The following RPS15A variants were observed in gnomAD, a reference collection of about 807,000 sequenced individuals.
RPS15A encodes small ribosomal subunit protein uS8.
For synonymous variants in RPS15A, 55 were observed against 58.5 expected (o/e 0.94, Z 0.27); for missense variants, 62 against 163.4 (o/e 0.38, Z 3.38).
At chr16:18,785,313 T>C (rs966130628) in intron 3 of RPS15A, 1 of 152,366 alleles carries the variant, frequency 6.6e-6, no homozygotes, top group Non-Finnish European at 1.5e-5. Flanking sequence ...CCGTTACATA[T>C]TTCCAAGAAA....
intron 1 of RPS15A, chr16:18,789,828 ACT>A (rs1369050398): frequency 1.3e-5 from 2 of 151,938 alleles, no homozygotes; most frequent in East Asian, 1.9e-4. Flanking sequence ...CTAAAGAAAA[ACT>A]CTGCGGCCCA....
intron 4 of RPS15A, 81 bp from the exon 5 acceptor site, chr16:18,783,183 A>C: frequency 1.1e-6 from 1 of 907,074 alleles, no homozygotes; most frequent in Non-Finnish European, 1.8e-6. Flanking sequence ...ATCAACACTC[A>C]TCAGTGGTTA....
intron 3 of RPS15A, among the ~76,000 whole-genome samples, chr16:18,787,497 G>A (rs376126141): frequency 7.9e-5 from 12 of 152,280 alleles, no homozygotes; most frequent in African/African-American, 2.9e-4. Flanking sequence ...ACCTCAACCA[G>A]CTTAAGACAC....
At chr16:18,790,060 TG>T (rs1163359604) in intron 1 of RPS15A, 183 bp downstream of exon 1, 1 of 152,396 alleles carries the variant, frequency 6.6e-6, no homozygotes, top group Non-Finnish European at 1.5e-5. Context: ...ACCGCCTAGC[TG>T]GGCAGTCGAA....
At chr16:18,787,318 A>C (rs950904364) in intron 3 of RPS15A, among the ~76,000 whole-genome samples, 1 of 152,134 alleles carries the variant, frequency 6.6e-6, no homozygotes, top group African/African-American at 2.4e-5. Flanking sequence ...CCCCTTCCTC[A>C]TCCCTCTTTT....
chr16:18,787,481 G>A (rs926009277), intron 3 of RPS15A, among the ~76,000 whole-genome samples: 1 of 152,180 alleles, frequency 6.6e-6, no homozygotes, highest in African/African-American at 2.4e-5. Context: ...AGGAAGCACA[G>A]TGGACACCTC....
chr16:18,786,257 A>T (rs1412813622), intron 3 of RPS15A: 3 of 223,634 alleles, frequency 1.3e-5, no homozygotes, highest in South Asian at 4.2e-5. Context: ...CTCAGCTACT[A>T]GGGAGGCTGA....
chr16:18,783,307 A>G (rs1903994015), intron 4 of RPS15A: 1 of 541,464 alleles, frequency 1.8e-6, no homozygotes, highest in Admixed American at 3.4e-5. Context: ...CAGAGAGCCC[A>G]GCCACACAAT....
At chr16:18,786,617 A>T (rs1391360693) in intron 3 of RPS15A, 1 of 152,162 alleles carries the variant, frequency 6.6e-6, no homozygotes, top group Non-Finnish European at 1.5e-5. Context: ...ACCTCTACAA[A>T]AAAGTTAAAG....
At chr16:18,789,287 T>C (rs939835770) in intron 1 of RPS15A, 169 bp from the exon 2 acceptor site, 37 of 626,024 alleles carry the variant, frequency 5.9e-5, no homozygotes, top group Non-Finnish European at 9.2e-5. Context: ...AAATTCCTAT[T>C]TACTACGGTT....
rs537333663 is a variant in RPS15A, at chr16:18,783,565, T to C, written c.300-463A>G. ...ACTGTGGGGATCACTGTAACAAGCA[T>C]ATAGTATGCAAATGTGCGGCATTAA... On this transcript the variant is annotated intron_variant, in intron 4 of 4. Coordinates refer to ENST00000322989, the MANE Select transcript of RPS15A (RefSeq NM_001019.5). 5.3e-5 allele frequency: 23 copies of C among 437,344 alleles called. No homozygotes were observed. The Middle Eastern group carries it at 1.0e-3, about 19-fold the overall frequency. 27.1% of individuals were successfully genotyped at this position (437,344 alleles called of 1,614,324 possible). A position where few individuals can be genotyped will look rare whatever the true frequency, so the allele number is the denominator to read the frequency against.
chr16:18,788,787 C>T, intron 2 of RPS15A, 194 bp downstream of exon 2: 1 of 564,298 alleles, frequency 1.8e-6, no homozygotes, highest in Non-Finnish European at 3.2e-6. Flanking sequence ...TAGCAGAGCT[C>T]CTTTTTCCAG....
At position 18,784,728 on chromosome 16, in the gene RPS15A, G is replaced by T. The variant is rs1398272368; in HGVS notation, c.299+10C>A. The T allele has an allele frequency of 6.3e-7, 1 of 1,591,392 alleles. No homozygotes were observed. The highest frequency in any genetic ancestry group is 1.8e-5 in the Admixed American group (1 of 54,116). On this transcript the variant is annotated intron_variant, in intron 4 of 4. Transcript: ENST00000322989. ...ATTAACTTCTTTTAATTAAGGAAAGGCCAACTTACCCAAACTGGCGGGATG... is the reference window on the plus strand; with the variant it reads ...ATTAACTTCTTTTAATTAAGGAAAGTCCAACTTACCCAAACTGGCGGGATG...
chr16:18,787,843 C>T (rs371421119), intron 3 of RPS15A, among the ~76,000 whole-genome samples: 1 of 152,172 alleles, frequency 6.6e-6, no homozygotes, highest in African/African-American at 2.4e-5. Flanking sequence ...CCTGAGACAG[C>T]TTATACCCCA....
rs781660508 is a variant in RPS15A at position 18,782,994 on chromosome 16, A to AT, written c.*14dup. 8.3e-6 allele frequency: 12 copies of AT among 1,445,202 alleles called. No homozygotes were observed. The Admixed American group carries it at 1.2e-4, about 14-fold the overall frequency. 89.5% of individuals were successfully genotyped at this position (1,445,202 alleles called of 1,614,324 possible). ...TCCATGAGGCATTTTATTTGTAAAT[A>AT]TATGTATTACATCCCTAGAAAAAGA... On this transcript the variant is annotated 3_prime_UTR_variant, in exon 5 of 5. Transcript: ENST00000322989.
intron 3 of RPS15A, 76 bp from the exon 4 acceptor site, chr16:18,784,899 T>C (rs1179139703): frequency 2.5e-6 from 3 of 1,223,054 alleles, no homozygotes; most frequent in Non-Finnish European, 2.4e-6. Context: ...CAAGATGACA[T>C]TCATAAATAA....
At chr16:18,785,032 G>A (rs781253816) in intron 3 of RPS15A, 55 of 505,046 alleles carry the variant, frequency 1.1e-4, no homozygotes, top group Non-Finnish European at 1.7e-4. Context: ...AAAAGCAAAG[G>A]CATGCAAAGA....
chr16:18,784,549 C>G, intron 4 of RPS15A, 189 bp downstream of exon 4: 1 of 541,860 alleles, frequency 1.8e-6, no homozygotes, highest in Non-Finnish European at 3.2e-6. Context: ...CCTGGCCAAC[C>G]CTGTCTCTTT....
At chr16:18,789,612 C>T (rs1168756159) in intron 1 of RPS15A, among the ~76,000 whole-genome samples, 1 of 152,178 alleles carries the variant, frequency 6.6e-6, no homozygotes, top group East Asian at 1.9e-4. Context: ...CTACAATGAA[C>T]ACATCTAACT....
Sources: gnomAD v4.1 joint callset for allele counts (sites outside exome capture counted in the v4.1 genomes callset) on GRCh38, gnomAD v4.1.1 for gene constraint, MANE v1.5 for transcripts, NCBI Gene and HGNC (gene_info 2026-07-23, HGNC 2026-07-21) for gene names.